The following NEK7 variants were observed in gnomAD, a reference collection of about 807,000 sequenced individuals.
NEK7 encodes NIMA related kinase 7.
In NEK7, 18 loss-of-function variants were observed where a neutral mutation model predicts 44.6. That is an observed-to-expected ratio of 0.40 (90% CI 0.28 to 0.60). NEK7 has a LOEUF of 0.60. NEK7 is among the 20% of genes least tolerant of loss of function. The pLI, the probability that NEK7 is intolerant of heterozygous loss-of-function variation, is 0.38. For missense variants in NEK7, 256 were observed against 366.5 expected, an observed-to-expected ratio of 0.70 and a Z score of 2.46; for synonymous variants, 130 against 121.1, an observed-to-expected ratio of 1.07 and a Z score of -0.48.
intron 3 of NEK7, among the ~76,000 whole-genome samples, chr1:198,261,053 C>A (rs762658929): frequency 3.2e-4 from 48 of 151,880 alleles, no homozygotes; most frequent in Non-Finnish European, 5.6e-4. Context: ...TAATTTTACA[C>A]CCTTATTCCA....
chr1:198,248,865 A>G (rs1447398005), intron 2 of NEK7, among the ~76,000 whole-genome samples: 1 of 151,120 alleles, frequency 6.6e-6, no homozygotes, highest in Non-Finnish European at 1.5e-5. Flanking sequence ...GGGTTCTGCA[A>G]TTGCTTTTAT....
At chr1:198,172,982 T>C (rs1664494454) in intron 1 of NEK7, among the ~76,000 whole-genome samples, 1 of 152,192 alleles carries the variant, frequency 6.6e-6, no homozygotes, top group Non-Finnish European at 1.5e-5. Flanking sequence ...GCTAACACTG[T>C]CTAATAGGCA....
At chr1:198,315,838 C>T (rs746067079) in intron 9 of NEK7, among the ~76,000 whole-genome samples, 5 of 152,206 alleles carry the variant, frequency 3.3e-5, no homozygotes, top group South Asian at 2.1e-4. Flanking sequence ...TGAATATTTA[C>T]GTGCAGCTCT....
At chr1:198,279,874 A>G (rs1368235090) in intron 7 of NEK7, among the ~76,000 whole-genome samples, 1 of 151,982 alleles carries the variant, frequency 6.6e-6, no homozygotes. Context: ...TGAACCTGTC[A>G]TCGAATTTTT....
intron 1 of NEK7, among the ~76,000 whole-genome samples, chr1:198,158,318 T>A (rs1209942497): frequency 6.6e-6 from 1 of 152,148 alleles, no homozygotes; most frequent in Non-Finnish European, 1.5e-5. Flanking sequence ...GTTACTGAGC[T>A]CAAGGATGCA....
At chr1:198,266,825 C>T (rs535707210) in intron 5 of NEK7, among the ~76,000 whole-genome samples, 2 of 152,160 alleles carry the variant, frequency 1.3e-5, no homozygotes, top group South Asian at 4.2e-4. Context: ...GATAGGTATT[C>T]ACATTTTCTT....
chr1:198,214,814 C>G (rs1409648425), intron 1 of NEK7, among the ~76,000 whole-genome samples: 1 of 152,068 alleles, frequency 6.6e-6, no homozygotes, highest in Admixed American at 6.6e-5. Flanking sequence ...AATCTAAATA[C>G]AAGAAGCCCA....
chr1:198,247,242 C>T (rs118186028), intron 2 of NEK7, among the ~76,000 whole-genome samples: 2 of 152,218 alleles, frequency 1.3e-5, no homozygotes, highest in East Asian at 3.9e-4. Context: ...TCATTTTAAA[C>T]ATGTTTCTAT....
chr1:198,264,193 T>G lies in NEK7; in HGVS notation c.330T>G (p.Val110=). The stretch of plus-strand genomic sequence containing the variant: ...TTGAAGATAATGAACTAAACATAGT[T>G]TTGGAACTAGCAGATGCTGGCGACC... ...SFIEDNELNI[V]LELADAGDLS... Residue 110 remains valine, a synonymous_variant, in exon 5 of 10, where the codon GTT becomes GTG. Coordinates refer to ENST00000367385, the MANE Select transcript of NEK7 (RefSeq NM_133494.3). 6.2e-7 allele frequency: 1 copy of G among 1,606,958 alleles called. No individual in the cohort carries two copies. The highest frequency in any genetic ancestry group is 8.5e-7 in the Non-Finnish European group (1 of 1,176,548).
At chr1:198,281,393 G>A (rs1654193462) in intron 7 of NEK7, among the ~76,000 whole-genome samples, 1 of 152,090 alleles carries the variant, frequency 6.6e-6, no homozygotes, top group African/African-American at 2.4e-5. Context: ...TTTATTGTAT[G>A]TTGATTCATT....
At chr1:198,264,016 T>C in intron 4 of NEK7, 109 bp from the exon 5 acceptor site, 2 of 1,152,686 alleles carry the variant, frequency 1.7e-6, no homozygotes, top group Non-Finnish European at 2.3e-6. Context: ...ATGTTAAGAT[T>C]TCTGTAATTT....
chr1:198,182,189 C>T (rs1419965220), intron 1 of NEK7, among the ~76,000 whole-genome samples: 1 of 151,966 alleles, frequency 6.6e-6, no homozygotes, highest in African/African-American at 2.4e-5. Flanking sequence ...GATGGTAAAT[C>T]CAAGAAGAAT....
intron 1 of NEK7, among the ~76,000 whole-genome samples, chr1:198,164,057 A>G (rs1385264564): frequency 1.3e-5 from 2 of 152,190 alleles, no homozygotes; most frequent in Admixed American, 1.3e-4. Flanking sequence ...CCTTGGAAAC[A>G]TGACAAAACC....
At chr1:198,208,444 G>A (rs1318895545) in intron 1 of NEK7, 1 of 151,504 alleles carries the variant, frequency 6.6e-6, no homozygotes, top group East Asian at 1.9e-4. Flanking sequence ...GCAGTGGTAC[G>A]ACTGGTGCTG....
chr1:198,208,285 C>A (rs1352777226), intron 1 of NEK7, among the ~76,000 whole-genome samples: 1 of 152,200 alleles, frequency 6.6e-6, no homozygotes, highest in Non-Finnish European at 1.5e-5. Context: ...TATCTTCCTT[C>A]AGATAATTTT....
chr1:198,274,749 C>T (rs866420941), intron 5 of NEK7, among the ~76,000 whole-genome samples: 1 of 151,624 alleles, frequency 6.6e-6, no homozygotes, highest in Non-Finnish European at 1.5e-5. Context: ...AAAAATGATA[C>T]TTAGATATTC....
intron 1 of NEK7, among the ~76,000 whole-genome samples, chr1:198,157,804 G>C (rs969866867): frequency 1.1e-4 from 16 of 152,344 alleles, no homozygotes; most frequent in African/African-American, 3.8e-4. Context: ...TACAGGGAGC[G>C]TGAGAGGTCT....
chr1:198,264,877 A>G (rs1008574430), intron 5 of NEK7, among the ~76,000 whole-genome samples: 3 of 152,080 alleles, frequency 2.0e-5, no homozygotes, highest in East Asian at 1.9e-4. Flanking sequence ...AAACACAGTA[A>G]TAATAGAACC....
rs563324604 is a variant in NEK7 at position 198,198,960 on chromosome 1, G to C, written c.-28-33593G>C. ...TGAAAGTTTTAATAATTGCACTACTGCTTATGTGGGGGGCTATCCATACTT... is the reference window on the plus strand; with the variant it reads ...TGAAAGTTTTAATAATTGCACTACTCCTTATGTGGGGGGCTATCCATACTT... On this transcript the variant is annotated intron_variant, in intron 1 of 9. Transcript: ENST00000367385. Among the ~76,000 whole-genome samples, 12 of 152,288 alleles carry C rather than the reference G, an allele frequency of 7.9e-5. No homozygotes were observed. In the East Asian group the frequency reaches 2.1e-3, roughly 27 times the overall value.
Sources: gnomAD v4.1 joint callset for allele counts (sites outside exome capture counted in the v4.1 genomes callset) on GRCh38, gnomAD v4.1.1 for gene constraint, MANE v1.5 for transcripts, NCBI Gene and HGNC (gene_info 2026-07-23, HGNC 2026-07-21) for gene names.